ZNF704: variants seen among roughly 807,000 people sequenced by gnomAD.
ZNF704 encodes the protein glucocorticoid induced gene 1.
Under a neutral mutation model 44.7 loss-of-function variants are expected in ZNF704, and 10 were observed. The observed-to-expected ratio is 0.22, with a 90% CI of 0.14 to 0.38. ZNF704 has a LOEUF of 0.38. Among genes scored for constraint, ZNF704 ranks in the 10% least tolerant of loss-of-function variants. ZNF704 has a pLI of 1.00. For synonymous variants in ZNF704, 211 were observed against 207.6 expected, an observed-to-expected ratio of 1.02 and a Z score of -0.14; for missense variants, 390 against 545.5, an observed-to-expected ratio of 0.71 and a Z score of 2.84.
intron 1 of ZNF704, among the ~76,000 whole-genome samples, chr8:80,864,263 GTTAT>G (rs968114906): frequency 6.6e-6 from 1 of 152,022 alleles, no homozygotes; most frequent in Non-Finnish European, 1.5e-5. Context: ...TGCAGTTTTA[GTTAT>G]TTATCTCAAG....
In ZNF704 at chr8:80,821,539, G is replaced by C; in HGVS notation, c.56C>G (p.Ser19Cys). The C allele has an allele frequency of 6.2e-7, 1 of 1,614,024 alleles. No individual in the cohort carries two copies. Among genetic ancestry groups the C allele is most frequent in the Non-Finnish European group, 8.5e-7 (1 of 1,179,998 alleles). ...GGCCAAGGAAAACACGTGTTGATGA[G>C]ACATTTTTTTACCACAGTCACGTTT... ...DLKRDCGKKM[S>C]HQHVFSLAME... Residue 19 changes from serine to cysteine, a missense_variant, in exon 2 of 9, where the codon TCT (serine) becomes TGT (cysteine). Physicochemically the swap from Ser to Cys is moderately radical, Grantham distance 112 (BLOSUM62 -1). Coordinates refer to ENST00000327835, the MANE Select transcript of ZNF704 (RefSeq NM_001033723.3).
intron 1 of ZNF704, among the ~76,000 whole-genome samples, chr8:80,844,370 C>T (rs1255922072): frequency 6.6e-6 from 1 of 152,140 alleles, no homozygotes; most frequent in Admixed American, 6.6e-5. Context: ...TCGCTATGGC[C>T]TCAGATGGTG....
chr8:80,877,564 T>C (rs569768191), upstream of ZNF704, among the ~76,000 whole-genome samples: 3 of 152,344 alleles, frequency 2.0e-5, no homozygotes, highest in African/African-American at 7.2e-5. Context: ...CACATTTTTT[T>C]CTTCCAAAAC....
intron 8 of ZNF704, among the ~76,000 whole-genome samples, chr8:80,642,647 G>A (rs891169954): frequency 1.3e-5 from 2 of 152,184 alleles, no homozygotes. Context: ...AAGTAAAACT[G>A]TGGATAAAAG....
rs1169336542 is a variant in ZNF704, at chr8:80,687,339, G to GCGGCGGCGA, written c.436_444dup (p.Ser146_Pro148dup). The GCGGCGGCGA allele has an allele frequency of 1.2e-6, 2 of 1,610,588 alleles. No individual in the cohort carries two copies. Among genetic ancestry groups the GCGGCGGCGA allele is most frequent in the Admixed American group, 3.3e-5 (2 of 59,978 alleles). On this transcript the variant is annotated inframe_insertion, in exon 4 of 9. Transcript: ENST00000327835. ...AAGGGCTTGAAGCTGTCAGCCGAGA[G>GCGGCGGCGA]CGGCGGCGACGGCGTGGACGGGTTG...
At chr8:80,738,739 G>A (rs978659222) in intron 2 of ZNF704, among the ~76,000 whole-genome samples, 2 of 152,146 alleles carry the variant, frequency 1.3e-5, no homozygotes, top group Non-Finnish European at 2.9e-5. Flanking sequence ...TCCCAGATAT[G>A]TATCTGTCAC....
At position 80,841,335 on chromosome 8, in the gene ZNF704, C is replaced by T. The variant is rs7822848; in HGVS notation, c.-21-19720G>A. Among the ~76,000 whole-genome samples the T allele has an allele frequency of 5.0e-3, 762 of 152,304 alleles. 8 individuals carry two copies. The highest frequency in any genetic ancestry group is 0.018 in the African/African-American group (741 of 41,564). The stretch of plus-strand genomic sequence containing the variant: ...CACAGCAGCACAGGAAAATAATACA[C>T]GGCAGAGGTATTAAATGAGCCAAGC... On this transcript the variant is annotated intron_variant, in intron 1 of 8. Coordinates refer to ENST00000327835, the MANE Select transcript of ZNF704 (RefSeq NM_001033723.3).
At chr8:80,873,978 G>C (rs1809309861) in intron 1 of ZNF704, among the ~76,000 whole-genome samples, 1 of 146,486 alleles carries the variant, frequency 6.8e-6, no homozygotes, top group African/African-American at 2.4e-5. Context: ...GGCCCGGCAG[G>C]CTGCAGCGCG....
At chr8:80,793,973 G>A (rs1484981599) in intron 2 of ZNF704, among the ~76,000 whole-genome samples, 1 of 152,174 alleles carries the variant, frequency 6.6e-6, no homozygotes, top group Middle Eastern at 3.2e-3. Flanking sequence ...ATAGGGGGAT[G>A]AAAGAATTCC....
chr8:80,784,328 G>C (rs937798954), intron 2 of ZNF704, among the ~76,000 whole-genome samples: 14 of 152,138 alleles, frequency 9.2e-5, no homozygotes, highest in Admixed American at 2.0e-4. Flanking sequence ...GTTTAGTTTT[G>C]TAAGAAACTG....
At chr8:80,723,658 A>C (rs1013375535) in intron 2 of ZNF704, among the ~76,000 whole-genome samples, 6 of 152,222 alleles carry the variant, frequency 3.9e-5, no homozygotes, top group African/African-American at 7.2e-5. Context: ...ATATTTTTTT[A>C]GTTAAAATAT....
chr8:80,876,073 T>TA (rs1012516078), upstream of ZNF704, among the ~76,000 whole-genome samples: 3 of 152,208 alleles, frequency 2.0e-5, no homozygotes, highest in Admixed American at 6.5e-5. Flanking sequence ...CCAAAGCTCT[T>TA]ACAGCATTTT....
intron 2 of ZNF704, among the ~76,000 whole-genome samples, chr8:80,736,600 C>T (rs1806670074): frequency 6.6e-6 from 1 of 152,016 alleles, no homozygotes; most frequent in Non-Finnish European, 1.5e-5. Context: ...CGTGGCTGCC[C>T]ATGAAAACTA....
chr8:80,832,901 A>G (rs781227623), intron 1 of ZNF704, among the ~76,000 whole-genome samples: 1 of 152,210 alleles, frequency 6.6e-6, no homozygotes, highest in Non-Finnish European at 1.5e-5. Context: ...ATAACACATA[A>G]TAAGACACAT....
intron 6 of ZNF704, among the ~76,000 whole-genome samples, chr8:80,661,021 G>A (rs1818094162): frequency 6.6e-6 from 1 of 152,198 alleles, no homozygotes; most frequent in Non-Finnish European, 1.5e-5. Context: ...TGTTGAATGT[G>A]AGAAAATATC....
Position 80,675,593 on chromosome 8 carries a change from G to C in ZNF704, c.559-4990C>G, listed in dbSNP as rs540762900. Among the ~76,000 whole-genome samples, 369 of 152,238 alleles carry C rather than the reference G, an allele frequency of 2.4e-3. 4 individuals carry two copies. Among genetic ancestry groups the C allele is most frequent in the African/African-American group, 8.6e-3 (356 of 41,526 alleles). On this transcript the variant is annotated intron_variant, in intron 4 of 8. Transcript: ENST00000327835. ...TGGTGGCTTAGAGGCTTTGGGCAGA[G>C]AGGATGGAGAAAAATAGACACATTC...
intron 7 of ZNF704, among the ~76,000 whole-genome samples, chr8:80,649,993 T>C (rs1039310401): frequency 6.6e-6 from 1 of 152,188 alleles, no homozygotes; most frequent in Admixed American, 6.5e-5. Context: ...GGCAGCAACA[T>C]TTGCTGTTCA....
chr8:80,654,515 C>T (rs1175137681), intron 7 of ZNF704, among the ~76,000 whole-genome samples: 1 of 152,148 alleles, frequency 6.6e-6, no homozygotes, highest in Non-Finnish European at 1.5e-5. Context: ...ACAACCCCAT[C>T]AAAAAGTGGG....
rs997118144 is a variant in ZNF704, at chr8:80,631,911, G to C, written c.*9455C>G. 6.6e-6 allele frequency: 1 copy of C among 152,182 alleles called. No individual in the cohort carries two copies. Among genetic ancestry groups the C allele is most frequent in the African/African-American group, 2.4e-5 (1 of 41,432 alleles). 9.4% of individuals were successfully genotyped at this position (152,182 alleles called of 1,614,324 possible). A position where few individuals can be genotyped will look rare whatever the true frequency, so the allele number is the denominator to read the frequency against. On this transcript the variant is annotated 3_prime_UTR_variant, in exon 9 of 9. Coordinates refer to ENST00000327835, the MANE Select transcript of ZNF704 (RefSeq NM_001033723.3). Reference sequence around the variant, plus strand: ...AGAGAAAGCAGTAGCACAGAAACAAGAATGTCCCATCAGGGGCTTTGGAAC... The same window carrying C: ...AGAGAAAGCAGTAGCACAGAAACAACAATGTCCCATCAGGGGCTTTGGAAC...
Sources: allele counts gnomAD v4.1 joint callset (sites outside exome capture counted in the v4.1 genomes callset), GRCh38; gene constraint gnomAD v4.1.1; transcripts MANE v1.5; gene names NCBI Gene and HGNC (gene_info 2026-07-23, HGNC 2026-07-21).